Variants in CCSER1 observed in about 807,000 individuals in gnomAD.
CCSER1 encodes serine-rich coiled-coil domain-containing protein 1.
A neutral mutation model predicts 82.0 loss-of-function variants in CCSER1; 41 were observed. That is an observed-to-expected ratio of 0.50 (90% confidence interval 0.39 to 0.65). The LOEUF is 0.65. Among genes scored for constraint, CCSER1 ranks in the 30% least tolerant of loss-of-function variants. The pLI is 0.00. For synonymous variants in CCSER1, 414 were observed against 383.9 expected (o/e 1.08, Z -0.92); for missense variants, 1,119 against 1,064.2 (o/e 1.05, Z -0.72).
chr4:91,020,365 T>TA (rs1261332943), intron 9 of CCSER1, among the ~76,000 whole-genome samples: 1 of 152,154 alleles, frequency 6.6e-6, no homozygotes, highest in Non-Finnish European at 1.5e-5. Flanking sequence ...TGCCAGTCTT[T>TA]AAAAGTACAT....
Position 91,232,867 on chromosome 4 carries a change from T to C in CCSER1, c.2217+146873T>C, listed in dbSNP as rs150687282. ...AATTGAGGTAAAACTCTATTACCGA[T>C]ATGGGGAAAAAATTAAGATGCAGAA... On this transcript the variant is annotated intron_variant, in intron 10 of 10. Coordinates refer to ENST00000509176, the MANE Select transcript of CCSER1 (RefSeq NM_001145065.2). Among the ~76,000 whole-genome samples the C allele has an allele frequency of 2.4e-3, 366 of 151,846 alleles. 3 individuals carry two copies. The highest frequency in any genetic ancestry group is 8.3e-3 in the African/African-American group (343 of 41,500).
At chr4:91,517,955 G>A (rs1479151680) in intron 10 of CCSER1, among the ~76,000 whole-genome samples, 1 of 152,156 alleles carries the variant, frequency 6.6e-6, no homozygotes, top group Non-Finnish European at 1.5e-5. Context: ...ATGTGAACTA[G>A]TAGGTGGTGC....
At chr4:90,691,747 A>G (rs1156629494) in intron 6 of CCSER1, among the ~76,000 whole-genome samples, 1 of 151,746 alleles carries the variant, frequency 6.6e-6, no homozygotes, top group Non-Finnish European at 1.5e-5. Context: ...CAGGTTTGTT[A>G]TATAGGTAAA....
chr4:91,070,003 A>G (rs1482187260), intron 9 of CCSER1, among the ~76,000 whole-genome samples: 7 of 146,846 alleles, frequency 4.8e-5, no homozygotes, highest in Non-Finnish European at 4.5e-5. Context: ...TTTTTTTTCC[A>G]AGAAATAGTC....
intron 10 of CCSER1, among the ~76,000 whole-genome samples, chr4:91,353,904 G>A (rs969103889): frequency 1.4e-4 from 22 of 152,112 alleles, no homozygotes; most frequent in African/African-American, 5.3e-4. Flanking sequence ...ACACTTGCAT[G>A]GGTACATGTG....
At chr4:90,544,749 A>C (rs1358027773) in intron 5 of CCSER1, among the ~76,000 whole-genome samples, 1 of 152,080 alleles carries the variant, frequency 6.6e-6, no homozygotes, top group Non-Finnish European at 1.5e-5. Flanking sequence ...CAAGTCCCTC[A>C]GGCAAGCAAA....
At chr4:90,934,441 A>G (rs112646981) in intron 9 of CCSER1, among the ~76,000 whole-genome samples, 1,590 of 135,626 alleles carry the variant, frequency 0.012, 18 homozygotes, top group Non-Finnish European at 0.016. Flanking sequence ...TTGCTAATTG[A>G]AGAATATTTT....
chr4:90,647,606 T>C (rs184701450), intron 6 of CCSER1, among the ~76,000 whole-genome samples: 77 of 152,254 alleles, frequency 5.1e-4, no homozygotes, highest in Non-Finnish European at 9.7e-4. Flanking sequence ...ATTTTAAAAA[T>C]TGTGAAAAAT....
chr4:91,493,481 ATATT>A (rs1758659890), intron 10 of CCSER1, among the ~76,000 whole-genome samples: 1 of 151,838 alleles, frequency 6.6e-6, no homozygotes, highest in African/African-American at 2.4e-5. Flanking sequence ...TTTAAATGAA[ATATT>A]TATTACAATG....
At chr4:90,933,335 C>G (rs1206980150) in intron 9 of CCSER1, among the ~76,000 whole-genome samples, 1 of 151,410 alleles carries the variant, frequency 6.6e-6, no homozygotes, top group Non-Finnish European at 1.5e-5. Context: ...CTACAGGCGC[C>G]CGCCACCACG....
intron 9 of CCSER1, among the ~76,000 whole-genome samples, chr4:90,969,289 C>T (rs929702170): frequency 3.3e-5 from 5 of 151,790 alleles, no homozygotes; most frequent in Admixed American, 1.3e-4. Flanking sequence ...TGAACATCCA[C>T]GTTCATGAAG....
chr4:91,027,306 A>G (rs1394644801), intron 9 of CCSER1, among the ~76,000 whole-genome samples: 3 of 152,082 alleles, frequency 2.0e-5, no homozygotes, highest in Non-Finnish European at 4.4e-5. Context: ...AATTAGGAAT[A>G]AGGGAGATAA....
intron 10 of CCSER1, among the ~76,000 whole-genome samples, chr4:91,472,560 A>ATAGT (rs1560699025): frequency 6.6e-6 from 1 of 152,158 alleles, no homozygotes; most frequent in Non-Finnish European, 1.5e-5. Context: ...TATTTTGCTC[A>ATAGT]TAGTTAGTAA....
At chr4:91,353,500 G>T (rs1748620173) in intron 10 of CCSER1, among the ~76,000 whole-genome samples, 1 of 152,220 alleles carries the variant, frequency 6.6e-6, no homozygotes, top group Non-Finnish European at 1.5e-5. Flanking sequence ...GTGCTGGGCT[G>T]CCTGTCTTTG....
At chr4:91,438,745 C>T (rs1437930586) in intron 10 of CCSER1, among the ~76,000 whole-genome samples, 1 of 152,048 alleles carries the variant, frequency 6.6e-6, no homozygotes, top group Non-Finnish European at 1.5e-5. Flanking sequence ...AAAATTTAGA[C>T]AAATGTATAA....
intron 3 of CCSER1, among the ~76,000 whole-genome samples, chr4:90,326,466 T>C (rs1485048011): frequency 6.7e-6 from 1 of 149,106 alleles, no homozygotes; most frequent in African/African-American, 2.5e-5. Context: ...AAAAGTTTGC[T>C]CTGAAATTCC....
chr4:91,589,454 G>C (rs144336144), intron 10 of CCSER1, among the ~76,000 whole-genome samples: 1 of 151,748 alleles, frequency 6.6e-6, no homozygotes, highest in African/African-American at 2.4e-5. Context: ...TTATTCACAC[G>C]AGACATTATG....
intron 3 of CCSER1, among the ~76,000 whole-genome samples, chr4:90,390,513 C>T (rs148403487): frequency 9.9e-5 from 15 of 152,278 alleles, no homozygotes; most frequent in African/African-American, 3.4e-4. Flanking sequence ...ATGTTTATCT[C>T]CCACTTATAA....
intron 3 of CCSER1, chr4:90,325,682 TG>T (rs1349160735): frequency 1.1e-5 from 5 of 442,354 alleles, no homozygotes; most frequent in African/African-American, 1.0e-4. Context: ...CTACCTGTTC[TG>T]AGGTGACAGT....
Sources: allele counts gnomAD v4.1 joint callset (sites outside exome capture counted in the v4.1 genomes callset), GRCh38; gene constraint gnomAD v4.1.1; transcripts MANE v1.5; gene names NCBI Gene and HGNC (gene_info 2026-07-23, HGNC 2026-07-21).